The following DSN1 variants were observed in gnomAD, a reference collection of about 807,000 sequenced individuals.
DSN1 encodes kinetochore-associated protein DSN1 homolog.
Under a neutral mutation model 45.7 loss-of-function variants are expected in DSN1, and 31 were observed. The ratio of observed to expected loss-of-function variants is 0.68; its 90% CI spans 0.51 to 0.92. DSN1 has a LOEUF of 0.92. Ranked by LOEUF, DSN1 falls within the 40% of genes least tolerant of loss-of-function variation. The pLI, the probability that DSN1 is intolerant of heterozygous loss-of-function variation, is 0.00. For synonymous variants in DSN1, 134 were observed against 142.3 expected (o/e 0.94, Z 0.41); for missense variants, 394 against 414.2 (o/e 0.95, Z 0.42).
At chr20:36,761,551 G>C (rs546357447) in intron 6 of DSN1, among the ~76,000 whole-genome samples, 1 of 151,770 alleles carries the variant, frequency 6.6e-6, no homozygotes, top group East Asian at 1.9e-4. Context: ...CAGTAACATA[G>C]GGAGACCCCG....
chr20:36,763,885 C>CAAAAAAAAAAA (rs148628979), intron 5 of DSN1, among the ~76,000 whole-genome samples: 6 of 37,454 alleles, frequency 1.6e-4, no homozygotes, highest in Non-Finnish European at 1.7e-4. Context: ...AACTCTGTCT[C>CAAAAAAAAAAA]AAAAAAAAAA....
intron 1 of DSN1, among the ~76,000 whole-genome samples, chr20:36,772,979 ATCTG>A (rs1215331573): frequency 6.6e-6 from 1 of 152,214 alleles, no homozygotes; most frequent in African/African-American, 2.4e-5. Context: ...CCCAGCAGAA[ATCTG>A]TCTGTGGGGG....
rs948392582 is a variant in DSN1 at position 36,751,852 on chromosome 20, A to G, written c.*936T>C. 2.0e-5 allele frequency: 3 copies of G among 152,174 alleles called. No homozygotes were observed. Among genetic ancestry groups the G allele is most frequent in the African/African-American group, 7.2e-5 (3 of 41,422 alleles). 9.4% of individuals were successfully genotyped at this position (152,174 alleles called of 1,614,324 possible). ...ATTTTATAATACAGATTATAAACAA[A>G]TAGAACAATGAATAGTAGTACTTAC... is the stretch of plus-strand genomic sequence containing the variant. On this transcript the variant is annotated 3_prime_UTR_variant, in exon 11 of 11. Coordinates refer to ENST00000373750, the MANE Select transcript of DSN1 (RefSeq NM_001145315.2).
chr20:36,757,992 G>A, intron 8 of DSN1, 95 bp downstream of exon 8: 1 of 1,177,760 alleles, frequency 8.5e-7, no homozygotes, highest in Non-Finnish European at 1.2e-6. Flanking sequence ...CCGTGAGAAA[G>A]GATTCATCTT....
At chr20:36,761,805 T>C (rs1986995607) in intron 6 of DSN1, among the ~76,000 whole-genome samples, 1 of 151,926 alleles carries the variant, frequency 6.6e-6, no homozygotes, top group Non-Finnish European at 1.5e-5. Context: ...GAGACCAGCC[T>C]GGCCAGCATG....
chr20:36,771,347 G>A (rs1601028873), intron 2 of DSN1, 78 bp downstream of exon 2: 2 of 1,525,482 alleles, frequency 1.3e-6, no homozygotes, highest in East Asian at 2.3e-5. Context: ...AAATCTACCA[G>A]GAGCCAGGAA....
At chr20:36,766,194 C>CAAAAA (rs368772931) in intron 5 of DSN1, among the ~76,000 whole-genome samples, 2 of 48,022 alleles carry the variant, frequency 4.2e-5, no homozygotes, top group Non-Finnish European at 8.8e-5. Flanking sequence ...GACTCCATCT[C>CAAAAA]AAAAAAAAAA....
chr20:36,766,725 T>C (rs1302772642), intron 5 of DSN1, 44 bp downstream of exon 5: 16 of 1,541,384 alleles, frequency 1.0e-5, no homozygotes, highest in Admixed American at 1.9e-5. Context: ...GAGCAAAGCT[T>C]TGACTGCCCA....
In DSN1 at chr20:36,752,732, G is replaced by C. The variant is rs1043253721; in HGVS notation, c.*56C>G. On this transcript the variant is annotated 3_prime_UTR_variant, in exon 11 of 11. Coordinates refer to ENST00000373750, the MANE Select transcript of DSN1 (RefSeq NM_001145315.2). ...AAATCACGCAGTCACCACGTGCTGG[G>C]GCACTCTTCCCATTCCTCTCCTCTT... 1 of 1,421,354 alleles carries C rather than the reference G, an allele frequency of 7.0e-7. No homozygotes were observed. Among genetic ancestry groups the C allele is most frequent in the African/African-American group, 1.4e-5 (1 of 70,938 alleles). The allele number at this position is 1,421,354 out of a possible 1,614,324, so 88.0% of individuals were successfully genotyped here. A position where few individuals can be genotyped will look rare whatever the true frequency, so the allele number is the denominator to read the frequency against.
intron 1 of DSN1, among the ~76,000 whole-genome samples, chr20:36,772,550 A>G (rs922247749): frequency 1.3e-5 from 2 of 151,916 alleles, no homozygotes; most frequent in African/African-American, 4.8e-5. Context: ...TCAGCCTCCC[A>G]AAGTGCTGGG....
intron 9 of DSN1, 110 bp from the exon 10 acceptor site, chr20:36,754,960 G>C: frequency 1.2e-6 from 1 of 840,388 alleles, no homozygotes; most frequent in African/African-American, 1.7e-5. Context: ...TGTTCTTTCA[G>C]CCTGGAATGC....
Position 36,754,767 on chromosome 20 carries a change from C to T in DSN1, c.957G>A (p.Gln319=), listed in dbSNP as rs1405453170. 3 of 1,613,594 alleles carry T rather than the reference C, an allele frequency of 1.9e-6. No individual in the cohort carries two copies. Among genetic ancestry groups the T allele is most frequent in the Non-Finnish European group, 2.5e-6 (3 of 1,179,740 alleles). ...STQCFQKVSV[Q]LGKRSMQQLD... is the part of the protein sequence containing the mutation. ...CCCCTCAAGAGACAAGCTTACCGAGCTGTACTGACACCTTCTGGAAGCACT... is the reference window on the plus strand; with the variant it reads ...CCCCTCAAGAGACAAGCTTACCGAGTTGTACTGACACCTTCTGGAAGCACT... The change falls in exon 10 of 11, where the codon CAG becomes CAA. Residue 319 remains glutamine, a synonymous_variant. Coordinates refer to ENST00000373750, the MANE Select transcript of DSN1 (RefSeq NM_001145315.2).
At chr20:36,763,194 A>C (rs1249152267) in intron 5 of DSN1, among the ~76,000 whole-genome samples, 1 of 151,732 alleles carries the variant, frequency 6.6e-6, no homozygotes, top group Non-Finnish European at 1.5e-5. Context: ...ACTTGAGGTC[A>C]GGAGTTTGAG....
Position 36,760,977 on chromosome 20 carries a change from G to A in DSN1, c.590+1484C>T, listed in dbSNP as rs75997867. ...CAATGTCAATCCTAAAGACCTTTGT[G>A]AAGTCAAAACCTAAAGTTCATGATG... On this transcript the variant is annotated intron_variant, in intron 6 of 10. Coordinates refer to ENST00000373750, the MANE Select transcript of DSN1 (RefSeq NM_001145315.2). Among the ~76,000 whole-genome samples, 60 of 152,278 alleles carry A rather than the reference G, an allele frequency of 3.9e-4. No homozygotes were observed. The East Asian group carries it at 0.011, about 29-fold the overall frequency.
rs768499377 is a variant in DSN1, at chr20:36,754,823, G to C, written c.901C>G (p.Gln301Glu). The C allele has an allele frequency of 5.0e-6, 8 of 1,613,920 alleles. No individual in the cohort carries two copies. The highest frequency in any genetic ancestry group is 1.3e-5 in the African/African-American group (1 of 75,030). ...CTTTCATCCATAAAGGCCTGCAGCT[G>C]TTTCACTGATCCTTGCAGTTCATCC... ...VMDELQGSVK[Q>E]LQAFMDESTQ... Residue 301 changes from glutamine to glutamate, a missense_variant, in exon 10 of 11, where the codon CAG becomes GAG. By Grantham distance (29) the Gln-to-Glu change is conservative (BLOSUM62 2). Transcript: ENST00000373750.
chr20:36,769,879 T>G (rs1987539451), intron 3 of DSN1, among the ~76,000 whole-genome samples: 1 of 140,606 alleles, frequency 7.1e-6, no homozygotes, highest in Non-Finnish European at 1.5e-5. Context: ...ATAGCATCCC[T>G]AAAAACTGTT....
intron 3 of DSN1, among the ~76,000 whole-genome samples, chr20:36,769,932 C>G (rs868437687): frequency 8.1e-6 from 1 of 122,882 alleles, no homozygotes; most frequent in Non-Finnish European, 1.8e-5. Context: ...CACACACACA[C>G]ACACACACAG....
chr20:36,762,428 C>T, intron 6 of DSN1, 33 bp downstream of exon 6: 1 of 1,588,994 alleles, frequency 6.3e-7, no homozygotes, highest in Non-Finnish European at 8.6e-7. Flanking sequence ...CTAATTCAAT[C>T]ATAATTTAGG....
chr20:36,768,483 C>T (rs767655127), intron 3 of DSN1, among the ~76,000 whole-genome samples: 16 of 152,330 alleles, frequency 1.1e-4, no homozygotes, highest in Middle Eastern at 3.4e-3. Flanking sequence ...GCGGAGGCTG[C>T]AGTGAGCCAA....
Sources: gnomAD v4.1 joint callset for allele counts (sites outside exome capture counted in the v4.1 genomes callset) on GRCh38, gnomAD v4.1.1 for gene constraint, MANE v1.5 for transcripts, NCBI Gene and HGNC (gene_info 2026-07-23, HGNC 2026-07-21) for gene names.